Variants in TFIP11 observed in about 807,000 individuals in gnomAD.
The protein encoded by TFIP11 is tuftelin interacting protein 11, also known as tuftelin-interacting protein 11.
A neutral mutation model predicts 96.8 loss-of-function variants in TFIP11; 86 were observed. That is an observed-to-expected ratio of 0.89 (90% CI 0.75 to 1.06). The LOEUF (loss-of-function observed/expected upper bound fraction) is 1.06. Among genes scored for constraint, TFIP11 ranks in the 50% least tolerant of loss-of-function variants. The probability of loss-of-function intolerance (pLI) is 0.00; values close to 1 mark genes in which losing one functional copy is unlikely to be tolerated. For synonymous variants in TFIP11, 405 were observed against 395.2 expected (o/e 1.02, Z -0.29); for missense variants, 881 against 1,076.7 (o/e 0.82, Z 2.54).
intron 12 of TFIP11, 118 bp from the exon 13 acceptor site, chr22:26,495,057 G>T: frequency 7.3e-7 from 1 of 1,370,436 alleles, no homozygotes; most frequent in Non-Finnish European, 9.9e-7. Context: ...CGCCTCCCGG[G>T]TTCAAGTGAC....
intron 10 of TFIP11, 142 bp downstream of exon 10, chr22:26,498,727 T>A (rs1376607048): frequency 4.5e-6 from 3 of 668,396 alleles, no homozygotes; most frequent in East Asian, 5.1e-5. Flanking sequence ...CATAGCCAAA[T>A]GAATTTAAAT....
At position 26,498,996 on chromosome 22, in the gene TFIP11, T is replaced by C. The variant is rs371186966; in HGVS notation, c.1330-21A>G. ...CAGTCCTGAGGAGAAAGGTGAGCAG[T>C]TGAGGGGCAGCGGGCTCTCCAGCCC... On this transcript the variant is annotated intron_variant, in intron 9 of 14. Coordinates refer to ENST00000407690, the MANE Select transcript of TFIP11 (RefSeq NM_012143.4). 106 of 1,613,218 alleles carry C rather than the reference T, an allele frequency of 6.6e-5. No homozygotes were observed. In the African/African-American group the frequency reaches 1.2e-3, roughly 18 times the overall value.
At chr22:26,507,676 GAA>G in intron 4 of TFIP11, among the ~76,000 whole-genome samples, 1 of 148,904 alleles carries the variant, frequency 6.7e-6, no homozygotes, top group South Asian at 2.2e-4. Context: ...AGTCCCCTAA[GAA>G]ATAAGAAATT....
intron 4 of TFIP11, 33 bp from the exon 5 acceptor site, chr22:26,506,961 G>A (rs376796296): frequency 9.3e-6 from 15 of 1,604,560 alleles, no homozygotes; most frequent in African/African-American, 4.0e-5. Context: ...CCACCAGGTC[G>A]GTAAAGAACT....
Position 26,496,810 on chromosome 22 carries a change from C to T in TFIP11, c.1516G>A (p.Asp506Asn), listed in dbSNP as rs1431993941. ...WQPRNCDPMV[D>N]FLDSWVHIIP... ...ATGTGCACCCAACTATCCAAAAAGT[C>T]CACCATCGGGTCACAGTTCCTTGGC... Residue 506 changes from aspartate (D) to asparagine (N), a missense_variant, in exon 11 of 15, where the codon GAC becomes AAC. Coordinates refer to ENST00000407690, the MANE Select transcript of TFIP11 (RefSeq NM_012143.4). 6.2e-7 allele frequency: 1 copy of T among 1,614,028 alleles called. No individual in the cohort carries two copies. Among genetic ancestry groups the T allele is most frequent in the Non-Finnish European group, 8.5e-7 (1 of 1,180,036 alleles).
intron 6 of TFIP11, among the ~76,000 whole-genome samples, chr22:26,504,533 T>C (rs1923176710): frequency 6.6e-6 from 1 of 150,568 alleles, no homozygotes; most frequent in Admixed American, 6.6e-5. Context: ...AAAGAAAAAA[T>C]TAGCCAGGCA....
At chr22:26,498,370 C>T (rs1791615245) in intron 10 of TFIP11, among the ~76,000 whole-genome samples, 1 of 152,154 alleles carries the variant, frequency 6.6e-6, no homozygotes, top group Non-Finnish European at 1.5e-5. Context: ...TGGTGAAACC[C>T]TGTCTCTACT....
Position 26,492,379 on chromosome 22 carries a change from G to C in TFIP11, c.2159-11C>G, listed in dbSNP as rs148164977. On this transcript the variant is annotated splice_polypyrimidine_tract_variant and intron_variant, in intron 14 of 14. Transcript: ENST00000407690. The stretch of plus-strand genomic sequence containing the variant: ...GCTGCATGTAGGCACCTAAGATACA[G>C]GAGGACAGGGCGGTGAGGAGAGGTG... 2 of 1,613,164 alleles carry C rather than the reference G, an allele frequency of 1.2e-6. No homozygotes were observed. Among genetic ancestry groups the C allele is most frequent in the East Asian group, 2.2e-5 (1 of 44,866 alleles).
intron 8 of TFIP11, among the ~76,000 whole-genome samples, chr22:26,500,444 C>T (rs1922638470): frequency 1.3e-5 from 2 of 152,212 alleles, no homozygotes; most frequent in South Asian, 2.1e-4. Context: ...GCTGGGATTA[C>T]AGGCATGAGC....
In TFIP11 at chr22:26,499,193, C is replaced by A; in HGVS notation, c.1240G>T (p.Glu414Ter). The A allele has an allele frequency of 1.2e-6, 2 of 1,613,438 alleles. No individual in the cohort carries two copies. The highest frequency in any genetic ancestry group is 1.7e-6 in the Non-Finnish European group (2 of 1,179,700). ...TCCACACGGTCGGACATCCTGTACT[C>A]CTCATAGTACTTGTCCTGCAGGGTT... ...FETLQDKYYE[E>*]YRMSDRVDLA... The change falls in exon 9 of 15, where the codon GAG becomes TAG. Residue 414 changes from glutamate to a stop codon, truncating the protein, a stop_gained. Transcript: ENST00000407690. LOFTEE classifies it high-confidence loss of function.
chr22:26,511,373 CCA>C (rs1056856877), intron 2 of TFIP11: 1 of 152,162 alleles, frequency 6.6e-6, no homozygotes, highest in Non-Finnish European at 1.5e-5. Context: ...CTTTCCCCAC[CCA>C]CAGACTCAAA....
In TFIP11 at chr22:26,499,514, C is replaced by A. The variant is rs373154996; in HGVS notation, c.919G>T (p.Gly307Cys). Residue 307 changes from glycine (G) to cysteine (C), a missense_variant, in exon 9 of 15, where the codon GGC becomes TGC. Transcript: ENST00000407690. ...PLQSQQLPQS[G>C]KEAKAPGFAL... ...AAGCCGGGGGCCTTGGCCTCTTTGC[C>A]AGACTGTGGCAGCTGTTGGGACTGT... 24 of 1,614,112 alleles carry A rather than the reference C, an allele frequency of 1.5e-5. No individual in the cohort carries two copies. Among genetic ancestry groups the A allele is most frequent in the Non-Finnish European group, 1.9e-5 (23 of 1,180,060 alleles).
intron 6 of TFIP11, among the ~76,000 whole-genome samples, chr22:26,504,503 G>C (rs928075717): frequency 6.6e-6 from 1 of 151,940 alleles, no homozygotes; most frequent in African/African-American, 2.4e-5. Context: ...GGGCAACATA[G>C]TAAGACCCCA....
rs767937557 is a variant in TFIP11, at chr22:26,496,268, T to C, written c.1654A>G (p.Ile552Val). 1.9e-6 allele frequency: 3 copies of C among 1,612,350 alleles called. No individual in the cohort carries two copies. Among genetic ancestry groups the C allele is most frequent in the African/African-American group, 1.3e-5 (1 of 74,784 alleles). ...TGCATAAGGGGCAGCCATGGGTGGA[T>C]CCAAGAGTGGATGGGAACAGTGTCT... The part of the protein sequence containing the change: ...LTDTVPIHSW[I>V]HPWLPLMQAR... Residue 552 changes from isoleucine (I) to valine (V), a missense_variant, in exon 12 of 15, where the codon ATC becomes GTC. Physicochemically the swap from Ile to Val is conservative, Grantham distance 29 (BLOSUM62 3). Transcript: ENST00000407690.
rs141933151 is a variant in TFIP11, at chr22:26,499,162, G to A, written c.1271C>T (p.Ala424Val). 110 of 1,604,404 alleles carry A rather than the reference G, an allele frequency of 6.9e-5. No homozygotes were observed. Among genetic ancestry groups the A allele is most frequent in the African/African-American group, 1.3e-5 (1 of 74,912 alleles). Residue 424 changes from alanine to valine, a missense_variant, in exon 9 of 15, where the codon GCT becomes GTT. Ala to Val is a moderately conservative substitution (Grantham distance 64, BLOSUM62 0). Coordinates refer to ENST00000407690, the MANE Select transcript of TFIP11 (RefSeq NM_012143.4). ...EYRMSDRVDL[A>V]VAIVYPLMKE... Reference sequence around the variant, plus strand: ...CATGAGTGGATAGACGATGGCCACAGCAAGGTCCACACGGTCGGACATCCT... The same window carrying A: ...CATGAGTGGATAGACGATGGCCACAACAAGGTCCACACGGTCGGACATCCT...
At chr22:26,507,580 T>A (rs539892261) in intron 4 of TFIP11, among the ~76,000 whole-genome samples, 2 of 146,674 alleles carry the variant, frequency 1.4e-5, no homozygotes, top group East Asian at 4.0e-4. Flanking sequence ...CGGTGAACTA[T>A]AATCATGTCA....
At chr22:26,496,383 C>G (rs1922051466) in intron 11 of TFIP11, 67 bp from the exon 12 acceptor site, 1 of 1,526,260 alleles carries the variant, frequency 6.6e-7, no homozygotes, top group South Asian at 1.3e-5. Flanking sequence ...CCCTGTGTGG[C>G]TAAAGGCAAG....
intron 4 of TFIP11, among the ~76,000 whole-genome samples, chr22:26,509,594 G>A (rs868002748): frequency 5.9e-5 from 9 of 152,298 alleles, no homozygotes; most frequent in Admixed American, 2.6e-4. Context: ...GGTGGCTCAC[G>A]CCTGTAATCC....
intron 12 of TFIP11, among the ~76,000 whole-genome samples, chr22:26,495,787 G>C (rs139898860): frequency 6.6e-6 from 1 of 151,588 alleles, no homozygotes; most frequent in African/African-American, 2.4e-5. Context: ...AACTCCAATG[G>C]CTGTCCTATT....
Sources: gnomAD v4.1 joint callset for allele counts (sites outside exome capture counted in the v4.1 genomes callset) on GRCh38, gnomAD v4.1.1 for gene constraint, MANE v1.5 for transcripts, NCBI Gene and HGNC (gene_info 2026-07-23, HGNC 2026-07-21) for gene names.